Variants in KTN1 observed in about 807,000 individuals in gnomAD.
KTN1 encodes kinectin.
In KTN1, 130 loss-of-function variants were observed where a neutral mutation model predicts 222.5. The observed-to-expected ratio is 0.58, with a 90% CI of 0.51 to 0.68. The LOEUF (loss-of-function observed/expected upper bound fraction) is 0.68, where lower values mean the gene tolerates loss of function less well. Ranked by LOEUF, KTN1 falls within the 30% of genes least tolerant of loss-of-function variation. The probability of loss-of-function intolerance (pLI) is 0.00; values close to 1 mark genes in which losing one functional copy is unlikely to be tolerated. For missense variants in KTN1, 1,508 were observed against 1,500.4 expected (o/e 1.01, Z -0.08); for synonymous variants, 512 against 496.3 (o/e 1.03, Z -0.42).
intron 2 of KTN1, among the ~76,000 whole-genome samples, chr14:55,613,618 C>A (rs566179399): frequency 1.5e-5 from 2 of 136,528 alleles, no homozygotes; most frequent in African/African-American, 5.3e-5. Flanking sequence ...CTCAGCCTCC[C>A]GAGTAGCTGG....
chr14:55,648,910 T>C, intron 21 of KTN1, 40 bp downstream of exon 21: 1 of 1,331,962 alleles, frequency 7.5e-7, no homozygotes, highest in Middle Eastern at 2.0e-4. Flanking sequence ...TCTCTGTGTT[T>C]TTTGTTTGTT....
At chr14:55,588,567 A>G (rs1215558505) in intron 1 of KTN1, among the ~76,000 whole-genome samples, 1 of 152,206 alleles carries the variant, frequency 6.6e-6, no homozygotes, top group Non-Finnish European at 1.5e-5. Context: ...TGTGGAGATA[A>G]TTAGAGTCAT....
chr14:55,640,623 T>G (rs2041686375), intron 15 of KTN1, among the ~76,000 whole-genome samples, 181 bp downstream of exon 15: 1 of 152,008 alleles, frequency 6.6e-6, no homozygotes, highest in Admixed American at 6.6e-5. Context: ...TCCAGTGAAT[T>G]AATCACTTCA....
chr14:55,630,082 A>G lies in KTN1; in HGVS notation c.1206A>G (p.Gln402=), dbSNP rs1259120735. Reference sequence around the variant, plus strand: ...TACATGTCAGTTATCAAGAGACTCAACAGATGCAGATGAAGGTATATTTTC... The same window carrying G: ...TACATGTCAGTTATCAAGAGACTCAGCAGATGCAGATGAAGGTATATTTTC... ...NKIHVSYQET[Q]QMQMKFQQVR... is the part of the protein sequence containing the mutation. The change falls in exon 7 of 44, where the codon CAA becomes CAG. Residue 402 remains glutamine, a synonymous_variant. Transcript: ENST00000395314. 1.9e-6 allele frequency: 3 copies of G among 1,610,720 alleles called. No homozygotes were observed. The Admixed American group carries it at 5.0e-5, about 27-fold the overall frequency.
Position 55,673,297 on chromosome 14 carries a change from A to C in KTN1, c.3771+42A>C, listed in dbSNP as rs753892206. ...CCACTGGGTATCAAGTAGGCACTGA[A>C]AACACTTTATTGACATGTGGAGAAA... On this transcript the variant is annotated intron_variant, in intron 40 of 43. Transcript: ENST00000395314. 47 of 1,290,944 alleles carry C rather than the reference A, an allele frequency of 3.6e-5. No homozygotes were observed. The Middle Eastern group carries it at 5.5e-4, about 15-fold the overall frequency. 80.0% of individuals were successfully genotyped at this position (1,290,944 alleles called of 1,614,324 possible). A position where few individuals can be genotyped will look rare whatever the true frequency, so the allele number is the denominator to read the frequency against.
At chr14:55,630,161 A>G in intron 7 of KTN1, 64 bp downstream of exon 7, 1 of 1,411,518 alleles carries the variant, frequency 7.1e-7, no homozygotes, top group South Asian at 1.2e-5. Flanking sequence ...CAAACTTTTA[A>G]GTGGCTAGTA....
chr14:55,601,494 A>G (rs1206600888), intron 1 of KTN1, among the ~76,000 whole-genome samples: 1 of 152,064 alleles, frequency 6.6e-6, no homozygotes, highest in Non-Finnish European at 1.5e-5. Flanking sequence ...GGGCCATTAT[A>G]CTTTTGGTGT....
At chr14:55,586,743 CTT>C (rs1162346774) in intron 1 of KTN1, among the ~76,000 whole-genome samples, 12 of 152,020 alleles carry the variant, frequency 7.9e-5, no homozygotes, top group Non-Finnish European at 1.8e-4. Context: ...AATTTAAAGA[CTT>C]GAAGTTTTTC....
intron 9 of KTN1, among the ~76,000 whole-genome samples, chr14:55,635,905 C>CT (rs1214042845): frequency 6.6e-6 from 1 of 151,840 alleles, no homozygotes; most frequent in Non-Finnish European, 1.5e-5. Flanking sequence ...TATAAGTATC[C>CT]TTTCTTTTAT....
intron 43 of KTN1, chr14:55,680,194 G>A (rs1009964611): frequency 1.9e-5 from 3 of 158,376 alleles, no homozygotes; most frequent in Non-Finnish European, 4.1e-5. Context: ...TAAGAAATTC[G>A]TTCATTAGCT....
At chr14:55,623,417 T>C (rs2039405457) in intron 5 of KTN1, among the ~76,000 whole-genome samples, 1 of 152,268 alleles carries the variant, frequency 6.6e-6, no homozygotes, top group East Asian at 1.9e-4. Context: ...TCTGGCCCTG[T>C]CACCCAGGCT....
Position 55,640,584 on chromosome 14 carries a change from A to G in KTN1, c.1983+142A>G. On this transcript the variant is annotated intron_variant, in intron 15 of 43. Coordinates refer to ENST00000395314, the MANE Select transcript of KTN1 (RefSeq NM_001079521.2). ...ATCTTTGGCTGCATGATTTGATGTT[A>G]CTGTTTTTATGTTGAAATAAATGTT... 4.7e-6 allele frequency: 3 copies of G among 635,244 alleles called. No individual in the cohort carries two copies. In the South Asian group the frequency reaches 6.7e-5, roughly 14 times the overall value. The allele number at this position is 635,244 out of a possible 1,614,324, so 39.4% of individuals were successfully genotyped here.
chr14:55,596,698 T>A (rs1056087680), intron 1 of KTN1, among the ~76,000 whole-genome samples: 11 of 152,218 alleles, frequency 7.2e-5, no homozygotes, highest in Non-Finnish European at 1.3e-4. Flanking sequence ...AAGGACTACT[T>A]TTTCTTGGCG....
chr14:55,597,778 C>T (rs1048956873), intron 1 of KTN1, among the ~76,000 whole-genome samples: 1 of 151,708 alleles, frequency 6.6e-6, no homozygotes, highest in Admixed American at 6.6e-5. Flanking sequence ...CATTTGAGCC[C>T]GGGAGGGGGA....
intron 5 of KTN1, among the ~76,000 whole-genome samples, chr14:55,622,300 G>C (rs1301732498): frequency 3.9e-5 from 6 of 152,114 alleles, no homozygotes; most frequent in Admixed American, 3.9e-4. Flanking sequence ...AAGAACCTCA[G>C]GACTATTGTT....
chr14:55,590,785 C>G (rs897530101), intron 1 of KTN1, among the ~76,000 whole-genome samples: 4 of 151,852 alleles, frequency 2.6e-5, no homozygotes, highest in Non-Finnish European at 4.4e-5. Flanking sequence ...AAGCGATTTT[C>G]CTGCATCAGC....
intron 1 of KTN1, among the ~76,000 whole-genome samples, chr14:55,588,706 T>A (rs766510989): frequency 2.6e-5 from 4 of 152,204 alleles, no homozygotes; most frequent in Non-Finnish European, 4.4e-5. Context: ...TGGTACTGTA[T>A]CTTGACCTTT....
At position 55,672,194 on chromosome 14, in the gene KTN1, A is replaced by G. The variant is rs548005927; in HGVS notation, c.3531+317A>G. 301 of 247,692 alleles carry G rather than the reference A, an allele frequency of 1.2e-3. 4 individuals are homozygous for G. Among genetic ancestry groups the G allele is most frequent in the Non-Finnish European group, 8.1e-4 (107 of 131,566 alleles). The allele number at this position is 247,692 out of a possible 1,614,324, so 15.3% of individuals were successfully genotyped here. A position where few individuals can be genotyped will look rare whatever the true frequency, so the allele number is the denominator to read the frequency against. On this transcript the variant is annotated intron_variant, in intron 37 of 43. Transcript: ENST00000395314. ...AGTTTTAAAGTATTTAACCCATAAT[A>G]TAGAATTCAAGAAAAAGTCATTCTT...
intron 5 of KTN1, among the ~76,000 whole-genome samples, chr14:55,625,614 C>G (rs1438522085): frequency 1.3e-5 from 2 of 152,004 alleles, no homozygotes; most frequent in Admixed American, 6.6e-5. Flanking sequence ...GTACTTTTGT[C>G]ATAGCTTCTT....
Sources: gnomAD v4.1 joint callset for allele counts (sites outside exome capture counted in the v4.1 genomes callset) on GRCh38, gnomAD v4.1.1 for gene constraint, MANE v1.5 for transcripts, NCBI Gene and HGNC (gene_info 2026-07-23, HGNC 2026-07-21) for gene names.